The following USP15 variants were observed in gnomAD, a reference collection of about 807,000 sequenced individuals.
USP15 encodes the protein ubiquitin carboxyl-terminal hydrolase 15.
Under a neutral mutation model 127.1 loss-of-function variants are expected in USP15, and 18 were observed. That is an observed-to-expected ratio of 0.14 (90% CI 0.10 to 0.21). USP15 has a LOEUF of 0.21. USP15 is among the 10% of genes least tolerant of loss of function. The pLI, the probability that USP15 is intolerant of heterozygous loss-of-function variation, is 1.00. For missense variants in USP15, 805 were observed against 1,159.9 expected, an observed-to-expected ratio of 0.69 and a Z score of 4.44; for synonymous variants, 364 against 393.7, an observed-to-expected ratio of 0.92 and a Z score of 0.89.
chr12:62,348,721 T>C (rs2065888055), intron 6 of USP15, among the ~76,000 whole-genome samples: 1 of 152,204 alleles, frequency 6.6e-6, no homozygotes, highest in South Asian at 2.1e-4. Context: ...CTTTTCCCTT[T>C]GGCCAAATAT....
At chr12:62,388,248 T>C (rs751946956) in intron 11 of USP15, among the ~76,000 whole-genome samples, 3 of 148,370 alleles carry the variant, frequency 2.0e-5, no homozygotes, top group Non-Finnish European at 4.5e-5. Flanking sequence ...TTCTCCCGCC[T>C]CAGACTCCCA....
intron 1 of USP15, among the ~76,000 whole-genome samples, chr12:62,283,518 A>G (rs1049334563): frequency 6.6e-6 from 1 of 152,192 alleles, no homozygotes; most frequent in South Asian, 2.1e-4. Flanking sequence ...TAGGAATACA[A>G]TTAGAAAGGA....
At chr12:62,326,336 G>T (rs551045930) in intron 6 of USP15, among the ~76,000 whole-genome samples, 3 of 151,972 alleles carry the variant, frequency 2.0e-5, no homozygotes, top group Non-Finnish European at 4.4e-5. Context: ...GAATAAAAAA[G>T]AACAAATAGA....
intron 1 of USP15, among the ~76,000 whole-genome samples, chr12:62,282,680 T>C (rs1475023084): frequency 2.0e-5 from 3 of 152,224 alleles, no homozygotes; most frequent in Non-Finnish European, 4.4e-5. Flanking sequence ...TCAGGTTGAC[T>C]GTTGCAGTAT....
intron 6 of USP15, among the ~76,000 whole-genome samples, chr12:62,329,605 A>G (rs1366653990): frequency 2.6e-5 from 4 of 152,204 alleles, no homozygotes; most frequent in African/African-American, 9.6e-5. Context: ...ACAGAAACAA[A>G]GAACAATAGC....
chr12:62,382,121 A>C (rs975736314), intron 9 of USP15, among the ~76,000 whole-genome samples: 2 of 152,072 alleles, frequency 1.3e-5, no homozygotes, highest in Non-Finnish European at 2.9e-5. Flanking sequence ...AAATTATCAA[A>C]ATGAAAATAG....
intron 4 of USP15, among the ~76,000 whole-genome samples, chr12:62,319,011 G>A (rs1005318826): frequency 5.9e-5 from 9 of 151,848 alleles, no homozygotes; most frequent in Non-Finnish European, 1.3e-4. Flanking sequence ...GTCCATTCTC[G>A]CACTGCTATA....
chr12:62,349,891 TG>T (rs1244553143), intron 7 of USP15, among the ~76,000 whole-genome samples: 2 of 152,002 alleles, frequency 1.3e-5, no homozygotes, highest in African/African-American at 4.8e-5. Flanking sequence ...TATCTTGTAT[TG>T]ACTCTTAGTG....
In USP15 at chr12:62,410,848, TG is replaced by T. The variant is rs1305273657; in HGVS notation, c.*6474del. The T allele has an allele frequency of 2.1e-5, 2 of 93,758 alleles. No individual in the cohort carries two copies. Among genetic ancestry groups the T allele is most frequent in the Non-Finnish European group, 4.9e-5 (2 of 40,618 alleles). The allele number at this position is 93,758 out of a possible 1,614,324, so 5.8% of individuals were successfully genotyped here. A position where few individuals can be genotyped will look rare whatever the true frequency, so the allele number is the denominator to read the frequency against. ...GATGAGTCAAGTTAATATTTGTTTT[TG>T]TTTTTTTTTTTTTTTAATTTTGGGC... On this transcript the variant is annotated 3_prime_UTR_variant, in exon 22 of 22. Transcript: ENST00000280377.
intron 6 of USP15, among the ~76,000 whole-genome samples, chr12:62,339,317 A>G (rs2065578243): frequency 6.6e-6 from 1 of 152,182 alleles, no homozygotes; most frequent in Admixed American, 6.5e-5. Flanking sequence ...TTCTAAATAT[A>G]CAATCATGTC....
At chr12:62,345,075 CG>C (rs1290339579) in intron 6 of USP15, among the ~76,000 whole-genome samples, 1 of 152,224 alleles carries the variant, frequency 6.6e-6, no homozygotes, top group African/African-American at 2.4e-5. Context: ...GTACTTTTGC[CG>C]GCTTGAATTT....
At chr12:62,299,744 T>G (rs975785406) in intron 2 of USP15, among the ~76,000 whole-genome samples, 22 of 152,234 alleles carry the variant, frequency 1.4e-4, no homozygotes, top group African/African-American at 5.1e-4. Context: ...ACTCTTAGAC[T>G]GTTTTTCCAA....
intron 1 of USP15, among the ~76,000 whole-genome samples, chr12:62,275,396 C>T (rs961516435): frequency 4.0e-5 from 6 of 150,758 alleles, no homozygotes; most frequent in African/African-American, 1.5e-4. Flanking sequence ...GTATCACCCC[C>T]CCACCCAAAA....
chr12:62,282,703 G>T (rs993538808), intron 1 of USP15, among the ~76,000 whole-genome samples: 5 of 152,148 alleles, frequency 3.3e-5, no homozygotes, highest in African/African-American at 1.2e-4. Flanking sequence ...CAATCCTTAT[G>T]TTCAAGTATC....
intron 2 of USP15, among the ~76,000 whole-genome samples, chr12:62,299,244 G>A (rs2064229734): frequency 6.6e-6 from 1 of 152,108 alleles, no homozygotes; most frequent in Non-Finnish European, 1.5e-5. Context: ...CCAAGTAGCT[G>A]GGATTACAGA....
intron 9 of USP15, among the ~76,000 whole-genome samples, chr12:62,382,080 A>G (rs1222682164): frequency 6.6e-6 from 1 of 152,014 alleles, no homozygotes; most frequent in Non-Finnish European, 1.5e-5. Flanking sequence ...CTAAGAACCC[A>G]TTTTACTTTG....
intron 6 of USP15, among the ~76,000 whole-genome samples, chr12:62,348,195 G>A (rs1457726051): frequency 1.3e-5 from 2 of 152,066 alleles, no homozygotes; most frequent in East Asian, 1.9e-4. Context: ...GCAACAGAAC[G>A]AAACCCTGTC....
In USP15 at chr12:62,383,923, A is replaced by G. The variant is rs751872987; in HGVS notation, c.1173A>G (p.Gly391=). 29 of 1,612,890 alleles carry G rather than the reference A, an allele frequency of 1.8e-5. No homozygotes were observed. Among genetic ancestry groups the G allele is most frequent in the African/African-American group, 2.7e-5 (2 of 74,870 alleles). The change falls in exon 10 of 22, where the codon GGA becomes GGG. Residue 391 remains glycine (G), a synonymous_variant. Coordinates refer to ENST00000280377, the MANE Select transcript of USP15 (RefSeq NM_001252078.2). The stretch of plus-strand genomic sequence containing the variant: ...AACTGTTAGCTTTCCTATTAGATGG[A>G]TTACATGAGGATTTGAATAGAATTA... ...CQELLAFLLD[G]LHEDLNRIRK...
In USP15 at chr12:62,410,174, C is replaced by G. The variant is rs577582107; in HGVS notation, c.*5799C>G. 2.8e-4 allele frequency: 42 copies of G among 152,146 alleles called. No individual in the cohort carries two copies. Among genetic ancestry groups the G allele is most frequent in the African/African-American group, 9.9e-4 (41 of 41,532 alleles). The allele number at this position is 152,146 out of a possible 1,614,324, so 9.4% of individuals were successfully genotyped here. The stretch of plus-strand genomic sequence containing the variant: ...CAATATTTAAATTGTCTGATAAGTT[C>G]ATCCAAATTAATCCCATCATGCCTG... On this transcript the variant is annotated 3_prime_UTR_variant, in exon 22 of 22. Transcript: ENST00000280377.
Sources: allele counts gnomAD v4.1 joint callset (sites outside exome capture counted in the v4.1 genomes callset), GRCh38; gene constraint gnomAD v4.1.1; transcripts MANE v1.5; gene names NCBI Gene and HGNC (gene_info 2026-07-23, HGNC 2026-07-21).